The following SYNPO variants were observed in gnomAD, a reference collection of about 807,000 sequenced individuals.
SYNPO encodes synaptopodin.
A neutral mutation model predicts 49.5 loss-of-function variants in SYNPO; 19 were observed. The observed-to-expected ratio is 0.38, with a 90% CI of 0.27 to 0.56. The LOEUF (loss-of-function observed/expected upper bound fraction) is 0.56, where lower values mean the gene tolerates loss of function less well. SYNPO is among the 20% of genes least tolerant of loss of function. SYNPO has a pLI of 0.68. For missense variants in SYNPO, 1,131 were observed against 1,248.3 expected (o/e 0.91, Z 1.42); for synonymous variants, 536 against 548.0 (o/e 0.98, Z 0.31).
At chr5:150,593,326 G>A in the SYNPO span, among the ~76,000 whole-genome samples, 1 of 152,236 alleles carries the variant, frequency 6.6e-6, no homozygotes, top group Non-Finnish European at 1.5e-5. Flanking sequence ...GAGTCTGCAG[G>A]AGTTGCAGGC....
chr5:150,622,925 A>G (rs762694080), intron 2 of SYNPO, among the ~76,000 whole-genome samples: 48 of 152,242 alleles, frequency 3.2e-4, no homozygotes, highest in East Asian at 5.8e-4. Context: ...CACATGATGT[A>G]TAGATGCCAT....
intron 1 of SYNPO, among the ~76,000 whole-genome samples, chr5:150,603,765 C>A (rs114503433): frequency 0.011 from 1,636 of 152,300 alleles, 27 homozygotes; most frequent in African/African-American, 0.037. Context: ...GATCCCTGAC[C>A]CTGACATGCA....
chr5:150,659,137 A>C lies in SYNPO; in HGVS notation c.*2050A>C, dbSNP rs1758669083. On this transcript the variant is annotated 3_prime_UTR_variant, in exon 3 of 3. Coordinates refer to ENST00000307662, the MANE Select transcript of SYNPO (RefSeq NM_007286.6). Reference sequence around the variant, plus strand: ...CCCAACCTCTCCTCTAACCCACTAGAGATTGCCTGTGTCCTGCCTCTTGCC... The same window carrying C: ...CCCAACCTCTCCTCTAACCCACTAGCGATTGCCTGTGTCCTGCCTCTTGCC... The C allele has an allele frequency of 6.6e-6, 1 of 152,388 alleles. No individual in the cohort carries two copies. The highest frequency in any genetic ancestry group is 6.5e-5 in the Admixed American group (1 of 15,280). 9.4% of individuals were successfully genotyped at this position (152,388 alleles called of 1,614,324 possible).
upstream of SYNPO, among the ~76,000 whole-genome samples, chr5:150,599,042 C>T (rs561022714): frequency 2.6e-5 from 4 of 152,188 alleles, no homozygotes; most frequent in African/African-American, 7.2e-5. Context: ...ATTCTGGGGC[C>T]GGATGCAGGT....
intron 2 of SYNPO, chr5:150,624,824 G>A: frequency 1.0e-6 from 1 of 982,178 alleles, no homozygotes; most frequent in Non-Finnish European, 1.2e-6. Flanking sequence ...CGGGGACCTC[G>A]GGGCGGGGCG....
chr5:150,591,202 A>G, the SYNPO span, among the ~76,000 whole-genome samples: 1 of 152,306 alleles, frequency 6.6e-6, no homozygotes, highest in Admixed American at 6.5e-5. Context: ...AAAGCTGAAA[A>G]GGCTGGGATT....
chr5:150,640,055 T>G, upstream of SYNPO: 11 of 835,132 alleles, frequency 1.3e-5, no homozygotes, highest in Non-Finnish European at 1.6e-5. Flanking sequence ...TTCTCTAATA[T>G]GGAGATGAGG....
At chr5:150,597,123 G>T (rs1756439727), upstream of SYNPO, among the ~76,000 whole-genome samples, 1 of 152,122 alleles carries the variant, frequency 6.6e-6, no homozygotes, top group East Asian at 1.9e-4. Flanking sequence ...AGTGGGCTTT[G>T]GAGCTTCCTG....
exon 2 of SYNPO, chr5:150,618,474 A>C: frequency 6.4e-7 from 1 of 1,551,584 alleles, no homozygotes. Flanking sequence ...CTGGCTCTGG[A>C]AGCCGAGGAG....
At chr5:150,600,296 C>T (rs1236840898), upstream of SYNPO, among the ~76,000 whole-genome samples, 1 of 152,220 alleles carries the variant, frequency 6.6e-6, no homozygotes, top group African/African-American at 2.4e-5. Flanking sequence ...GGATGGGTGC[C>T]CAGAGTTGGA....
chr5:150,621,463 G>A (rs914064069), intron 2 of SYNPO, among the ~76,000 whole-genome samples: 1 of 152,180 alleles, frequency 6.6e-6, no homozygotes, highest in Non-Finnish European at 1.5e-5. Flanking sequence ...TGCTCCCTTG[G>A]GAAAGGGAGT....
rs1166529907 is a variant in SYNPO, at chr5:150,657,430, T to TCA, written c.*344_*345insAC. 157 of 157,556 alleles carry TCA rather than the reference T, an allele frequency of 1.0e-3. 1 individual carries two copies. The highest frequency in any genetic ancestry group is 1.0e-3 in the Non-Finnish European group (88 of 84,156). The allele number at this position is 157,556 out of a possible 1,614,324, so 9.8% of individuals were successfully genotyped here. A position where few individuals can be genotyped will look rare whatever the true frequency, so the allele number is the denominator to read the frequency against. ...CACTCTCTCTTTCTCTCTCTCTCTC[T>TCA]CTCACACACACACACACACACACAC... On this transcript the variant is annotated 3_prime_UTR_variant, in exon 3 of 3. Transcript: ENST00000307662.
the SYNPO span, among the ~76,000 whole-genome samples, chr5:150,588,615 G>C: frequency 2.6e-5 from 4 of 152,062 alleles, no homozygotes; most frequent in East Asian, 7.7e-4. Flanking sequence ...CTAGGAGAGT[G>C]GGGGAGAAAA....
chr5:150,640,273 A>C, upstream of SYNPO: 1 of 662,658 alleles, frequency 1.5e-6, no homozygotes, highest in Non-Finnish European at 1.9e-6. Flanking sequence ...AATCTGAAGG[A>C]TTAGGGCATG....
rs1758595875 is a variant in SYNPO at position 150,656,998 on chromosome 5, C to G, written c.2623C>G (p.Leu875Val). The change falls in exon 3 of 3, where the codon CTG (leucine) becomes GTG (valine). Residue 875 changes from leucine to valine, a missense_variant. By Grantham distance (32) the Leu-to-Val change is conservative. Around this residue, in one of 4 missense-constraint regions of SYNPO, gnomAD observed 509 missense variants for 484.5 expected, o/e 1.05. Coordinates refer to ENST00000307662, the MANE Select transcript of SYNPO (RefSeq NM_007286.6). ...EDSGAKSPGI[L>V]GYNICPRGWN... ...CTCCGGGGCTAAGTCTCCAGGCATC[C>G]TGGGCTACAATATCTGTCCCCGCGG... is the stretch of plus-strand genomic sequence containing the variant. 1.2e-6 allele frequency: 2 copies of G among 1,602,854 alleles called. No individual in the cohort carries two copies. The highest frequency in any genetic ancestry group is 1.7e-6 in the Non-Finnish European group (2 of 1,175,696).
At position 150,633,948 on chromosome 5, in the gene SYNPO, C is replaced by T. The variant is rs141899322; in HGVS notation, c.401-13996C>T. On this transcript the variant is annotated intron_variant, in intron 2 of 2. Coordinates refer to the SYNPO transcript ENST00000394243. ...ACCAGCCTGGGAAACATAGTGAAAACGCACCTCTATTAAAATAAAAATTAA... is the reference window on the plus strand; with the variant it reads ...ACCAGCCTGGGAAACATAGTGAAAATGCACCTCTATTAAAATAAAAATTAA... Among the ~76,000 whole-genome samples the T allele has an allele frequency of 7.9e-5, 12 of 151,824 alleles. No individual in the cohort carries two copies. In the South Asian group the frequency reaches 8.3e-4, roughly 11 times the overall value.
chr5:150,624,699 A>C (rs1016599868), intron 2 of SYNPO: 22 of 373,974 alleles, frequency 5.9e-5, no homozygotes, highest in Non-Finnish European at 7.4e-5. Flanking sequence ...CCGCCCGCCC[A>C]GCGCTCCCGG....
chr5:150,637,518 T>A (rs1757757110), upstream of SYNPO, among the ~76,000 whole-genome samples: 1 of 152,226 alleles, frequency 6.6e-6, no homozygotes, highest in African/African-American at 2.4e-5. Context: ...GGTGACCACC[T>A]GCCACGACTG....
In SYNPO at chr5:150,648,514, TCAC is replaced by T. The variant is rs775082855; in HGVS notation, c.243_245del (p.Thr82del). The T allele has an allele frequency of 2.5e-6, 4 of 1,613,942 alleles. No individual in the cohort carries two copies. The highest frequency in any genetic ancestry group is 3.4e-6 in the Non-Finnish European group (4 of 1,179,978). On this transcript the variant is annotated inframe_deletion, in exon 2 of 3. Transcript: ENST00000307662. This position sits in a 1 kb window ranked among gnomAD's most constrained non-coding sequence, Gnocchi z 5.0. ...AACCTTGCCTCGCCCAGTGCCACGC[TCAC>T]CACACCAACTTCTAACAGCAGCCAC...
Sources: gnomAD v4.1 joint callset for allele counts (sites outside exome capture counted in the v4.1 genomes callset) on GRCh38, gnomAD v4.1.1 for gene constraint, gnomAD v4.1.1 regional missense constraint, Gnocchi (gnomAD v3.1) non-coding constraint, MANE v1.5 for transcripts, NCBI Gene and HGNC (gene_info 2026-07-23, HGNC 2026-07-21) for gene names.